The following NCOA1 variants were observed in gnomAD, a reference collection of about 807,000 sequenced individuals.
NCOA1 encodes nuclear receptor coactivator 1.
In NCOA1, 35 loss-of-function variants were observed where a neutral mutation model predicts 150.9. The observed-to-expected ratio is 0.23, with a 90% confidence interval of 0.18 to 0.31. The LOEUF (loss-of-function observed/expected upper bound fraction) is 0.31. Ranked by LOEUF, NCOA1 falls within the 10% of genes least tolerant of loss-of-function variation. The pLI is 1.00. For synonymous variants in NCOA1, 590 were observed against 630.0 expected, an observed-to-expected ratio of 0.94 and a Z score of 0.95; for missense variants, 1,491 against 1,749.3, an observed-to-expected ratio of 0.85 and a Z score of 2.63.
In NCOA1 at chr2:24,706,822, C is replaced by T; in HGVS notation, c.1352C>T (p.Ala451Val). 2 of 1,614,168 alleles carry T rather than the reference C, an allele frequency of 1.2e-6. No homozygotes were observed. The highest frequency in any genetic ancestry group is 1.7e-6 in the Non-Finnish European group (2 of 1,180,032). ...TGCTCACCCGGAAGTCAGATTGTAG[C>T]CAATGTTGCCTTAAACCAAGGACAG... Reference protein sequence around the residue: ...FGCSPGSQIVANVALNQGQAS... With the variant: ...FGCSPGSQIVVNVALNQGQAS... Residue 451 changes from alanine to valine, a missense_variant, in exon 13 of 23, where the codon GCC becomes GTC. Physicochemically the swap from Ala to Val is moderately conservative, Grantham distance 64. Around this residue, in one of 8 missense-constraint regions of NCOA1, gnomAD observed 703 missense variants for 717.7 expected, o/e 0.98. Transcript: ENST00000348332.
rs527713137 is a variant in NCOA1 at position 24,639,780 on chromosome 2, C to T, written c.-174-4186C>T. Among the ~76,000 whole-genome samples, 4 of 150,668 alleles carry T rather than the reference C, an allele frequency of 2.7e-5. No individual in the cohort carries two copies. In the East Asian group the frequency reaches 7.8e-4, roughly 29 times the overall value. ...GTGGGCATCTGTAATCTCAGCTACT[C>T]AGGAGGCTGAAGCAGGAGAATCTCT... On this transcript the variant is annotated intron_variant, in intron 3 of 22. Coordinates refer to ENST00000348332, the MANE Select transcript of NCOA1 (RefSeq NM_003743.5).
chr2:24,729,998 A>G (rs2148642568), intron 17 of NCOA1, among the ~76,000 whole-genome samples, 183 bp downstream of exon 17: 1 of 152,226 alleles, frequency 6.6e-6, no homozygotes, highest in East Asian at 1.9e-4. Context: ...GGTGTGTGCC[A>G]CCACTCCCAG....
rs576204350 is a variant in NCOA1 at position 24,692,930 on chromosome 2, G to C, written c.713-322G>C. Among the ~76,000 whole-genome samples the C allele has an allele frequency of 2.0e-3, 309 of 152,248 alleles. 2 individuals carry two copies. Among genetic ancestry groups the C allele is most frequent in the African/African-American group, 7.0e-3 (291 of 41,536 alleles). The stretch of plus-strand genomic sequence containing the variant: ...GGCTGGACTGCAGTGGCGTGATCTC[G>C]GCTCACTGCAAGCTCCACCTCCCGG... On this transcript the variant is annotated intron_variant, in intron 9 of 22. Coordinates refer to ENST00000348332, the MANE Select transcript of NCOA1 (RefSeq NM_003743.5).
chr2:24,627,055 A>G (rs1251721735), intron 3 of NCOA1, among the ~76,000 whole-genome samples: 2 of 151,952 alleles, frequency 1.3e-5, no homozygotes, highest in African/African-American at 2.4e-5. Context: ...ATAAAAAGCA[A>G]ATGTTTTATA....
At chr2:24,673,768 A>G (rs2148520511) in intron 7 of NCOA1, among the ~76,000 whole-genome samples, 1 of 152,328 alleles carries the variant, frequency 6.6e-6, no homozygotes, top group East Asian at 1.9e-4. Context: ...TAAAATATTA[A>G]TATTAGATTT....
chr2:24,537,482 ATGTGTGTGTG>A (rs199844769), intron 1 of NCOA1, among the ~76,000 whole-genome samples: 6 of 150,220 alleles, frequency 4.0e-5, no homozygotes. Flanking sequence ...TAATATATGT[ATGTGTGTGTG>A]TGTGTGTCTC....
chr2:24,666,003 A>C, intron 6 of NCOA1, 88 bp downstream of exon 6: 2 of 759,312 alleles, frequency 2.6e-6, no homozygotes, highest in Non-Finnish European at 3.4e-6. Flanking sequence ...TATTATTATT[A>C]TTATTTTATT....
At chr2:24,593,128 G>A (rs538442155) in intron 3 of NCOA1, among the ~76,000 whole-genome samples, 33 of 152,236 alleles carry the variant, frequency 2.2e-4, no homozygotes, top group African/African-American at 7.7e-4. Context: ...GAAGAGTCAA[G>A]GACTGGCTCT....
At chr2:24,745,145 G>A (rs1397205651) in intron 19 of NCOA1, among the ~76,000 whole-genome samples, 1 of 146,222 alleles carries the variant, frequency 6.8e-6, no homozygotes, top group African/African-American at 2.5e-5. Flanking sequence ...TTTAGAAATT[G>A]TTTTCTTTTT....
intron 19 of NCOA1, among the ~76,000 whole-genome samples, chr2:24,746,593 C>A (rs1222818792): frequency 1.3e-5 from 2 of 152,110 alleles, no homozygotes; most frequent in African/African-American, 2.4e-5. Context: ...TAAAATTTTT[C>A]ATCTAGAAGA....
intron 1 of NCOA1, among the ~76,000 whole-genome samples, chr2:24,548,885 G>T (rs919918311): frequency 6.6e-6 from 1 of 152,164 alleles, no homozygotes; most frequent in Admixed American, 6.5e-5. Context: ...TCATGGGCTG[G>T]CGTTGAGTGC....
At chr2:24,498,141 G>A (rs1663302272) in intron 1 of NCOA1, among the ~76,000 whole-genome samples, 1 of 152,158 alleles carries the variant, frequency 6.6e-6, no homozygotes, top group Non-Finnish European at 1.5e-5. Context: ...TGGTGAATTT[G>A]TTTGTAAGAA....
At chr2:24,754,920 A>C (rs1239908710) in intron 20 of NCOA1, among the ~76,000 whole-genome samples, 1 of 152,192 alleles carries the variant, frequency 6.6e-6, no homozygotes, top group East Asian at 1.9e-4. Context: ...GTTTTTGCAA[A>C]CTTTGACTTT....
intron 8 of NCOA1, among the ~76,000 whole-genome samples, chr2:24,689,914 A>G (rs1326287256): frequency 6.6e-6 from 1 of 152,194 alleles, no homozygotes; most frequent in Non-Finnish European, 1.5e-5. Flanking sequence ...GAAATCCTAT[A>G]TAACTAAACC....
chr2:24,504,109 G>GCTTT (rs1287865334), intron 1 of NCOA1, among the ~76,000 whole-genome samples: 7 of 151,332 alleles, frequency 4.6e-5, no homozygotes, highest in Non-Finnish European at 7.4e-5. Context: ...GTACCACAGT[G>GCTTT]CTTTCATAAT....
At chr2:24,629,817 CATATATATATATAT>C (rs57598398) in intron 3 of NCOA1, among the ~76,000 whole-genome samples, 950 of 79,360 alleles carry the variant, frequency 0.012, 34 homozygotes, top group African/African-American at 0.041. Context: ...AACATACATA[CATATATATATATAT>C]ATATATATAT....
intron 1 of NCOA1, among the ~76,000 whole-genome samples, chr2:24,547,752 G>A (rs1317621018): frequency 6.6e-6 from 1 of 151,980 alleles, no homozygotes; most frequent in Non-Finnish European, 1.5e-5. Flanking sequence ...ACTTTAGGAG[G>A]CCGAGGTGGG....
intron 14 of NCOA1, among the ~76,000 whole-genome samples, chr2:24,724,718 C>T (rs1405061885): frequency 6.6e-6 from 1 of 151,876 alleles, no homozygotes; most frequent in Non-Finnish European, 1.5e-5. Context: ...TGCTAGTAGA[C>T]AGTGGACAGC....
chr2:24,751,615 A>G (rs1664246566), intron 19 of NCOA1, among the ~76,000 whole-genome samples: 1 of 152,128 alleles, frequency 6.6e-6, no homozygotes, highest in African/African-American at 2.4e-5. Context: ...AATTTACTAC[A>G]CAAGTAATTC....
Sources: allele counts gnomAD v4.1 joint callset (sites outside exome capture counted in the v4.1 genomes callset), GRCh38; gene constraint gnomAD v4.1.1; regional missense constraint gnomAD v4.1.1; transcripts MANE v1.5; gene names NCBI Gene and HGNC (gene_info 2026-07-23, HGNC 2026-07-21).